LCOR: variants seen among roughly 807,000 people sequenced by gnomAD.
LCOR encodes the protein ligand-dependent corepressor.
Under a neutral mutation model 64.4 loss-of-function variants are expected in LCOR, and 14 were observed. The ratio of observed to expected loss-of-function variants is 0.22; its 90% CI spans 0.14 to 0.34. LCOR has a LOEUF of 0.34. Ranked by LOEUF, LCOR falls within the 10% of genes least tolerant of loss-of-function variation. The probability of loss-of-function intolerance (pLI) is 1.00; values close to 1 mark genes in which losing one functional copy is unlikely to be tolerated. For missense variants in LCOR, 1,686 were observed against 1,765.3 expected, an observed-to-expected ratio of 0.96 and a Z score of 0.80; for synonymous variants, 643 against 642.5, an observed-to-expected ratio of 1.00 and a Z score of -0.01.
intron 2 of LCOR, among the ~76,000 whole-genome samples, chr10:96,898,940 C>G (rs1462888563): frequency 6.6e-6 from 1 of 152,080 alleles, no homozygotes; most frequent in African/African-American, 2.4e-5. Context: ...AAAGAGAGAA[C>G]AGATTGGGAG....
intron 2 of LCOR, among the ~76,000 whole-genome samples, chr10:96,884,939 G>A (rs1404742454): frequency 6.6e-6 from 1 of 152,136 alleles, no homozygotes; most frequent in Admixed American, 6.6e-5. Context: ...TTTCAGCTTA[G>A]CTTGATGTGT....
In LCOR at chr10:96,994,746, A is replaced by G. The variant is rs1040949921; in HGVS notation, c.*9612A>G. 1 of 152,154 alleles carries G rather than the reference A, an allele frequency of 6.6e-6. No individual in the cohort carries two copies. The highest frequency in any genetic ancestry group is 6.5e-5 in the Admixed American group (1 of 15,282). The allele number at this position is 152,154 out of a possible 1,614,324, so 9.4% of individuals were successfully genotyped here. On this transcript the variant is annotated 3_prime_UTR_variant, in exon 8 of 8. Transcript: ENST00000421806. ...TAGAATTCTGGCCTGAGGCTCCCCA[A>G]GTCTTATTACCTTGTATGAAAAATC...
chr10:96,876,535 G>C (rs1392849287), intron 2 of LCOR, among the ~76,000 whole-genome samples: 1 of 152,000 alleles, frequency 6.6e-6, no homozygotes, highest in Non-Finnish European at 1.5e-5. Context: ...AAAGCAAATA[G>C]AGAAAAAAGA....
At chr10:96,839,661 T>C (rs1458548961) in intron 2 of LCOR, among the ~76,000 whole-genome samples, 1 of 152,124 alleles carries the variant, frequency 6.6e-6, no homozygotes, top group East Asian at 1.9e-4. Context: ...AACCCAGACA[T>C]CTGACAAGTT....
At chr10:96,834,676 T>G (rs767351391) in intron 2 of LCOR, among the ~76,000 whole-genome samples, 9 of 152,182 alleles carry the variant, frequency 5.9e-5, no homozygotes, top group Non-Finnish European at 1.2e-4. Flanking sequence ...TCAGCAGGGC[T>G]TTTTAGTCTT....
chr10:96,923,134 G>C (rs1420433709), intron 4 of LCOR, among the ~76,000 whole-genome samples: 1 of 152,186 alleles, frequency 6.6e-6, no homozygotes, highest in Admixed American at 6.5e-5. Context: ...GGCATTTAAA[G>C]TAATAAGATG....
intron 2 of LCOR, among the ~76,000 whole-genome samples, chr10:96,878,301 T>C (rs1020022695): frequency 6.6e-6 from 1 of 152,156 alleles, no homozygotes; most frequent in African/African-American, 2.4e-5. Flanking sequence ...GGAGCAGAAT[T>C]GACACATAGA....
At chr10:96,934,889 A>C (rs571369306) in intron 4 of LCOR, among the ~76,000 whole-genome samples, 1 of 152,334 alleles carries the variant, frequency 6.6e-6, no homozygotes, top group East Asian at 1.9e-4. Flanking sequence ...GGCGTGAGCC[A>C]CCGCACCTGG....
rs1313113640 is a variant in LCOR at position 96,984,288 on chromosome 10, C to T, written c.3828C>T (p.Val1276=). The part of the protein sequence containing the change: ...DQVEPEDGSD[V]SPGPNSEDSI... ...TGGAGCCAGAAGATGGCAGTGATGT[C>T]AGCCCCGGCCCTAATTCTGAAGACA... Residue 1276 remains valine, a synonymous_variant, in exon 8 of 8, where the codon GTC becomes GTT. Coordinates refer to ENST00000421806, the MANE Select transcript of LCOR (RefSeq NM_001346516.2). 5 of 1,614,140 alleles carry T rather than the reference C, an allele frequency of 3.1e-6. No individual in the cohort carries two copies. In the South Asian group the frequency reaches 4.4e-5, roughly 14 times the overall value.
intron 2 of LCOR, among the ~76,000 whole-genome samples, chr10:96,854,539 C>T (rs1227434300): frequency 1.3e-5 from 2 of 152,136 alleles, no homozygotes; most frequent in Admixed American, 1.3e-4. Flanking sequence ...GTTGGCCAGG[C>T]TGGTCTCGAG....
intron 7 of LCOR, chr10:96,954,887 T>TC: frequency 2.3e-6 from 3 of 1,279,666 alleles, no homozygotes; most frequent in Non-Finnish European, 3.3e-6. Flanking sequence ...AAAGGAGTGG[T>TC]CCCCTCACCC....
At chr10:96,892,177 A>G (rs979981782) in intron 2 of LCOR, among the ~76,000 whole-genome samples, 9 of 152,064 alleles carry the variant, frequency 5.9e-5, no homozygotes, top group Non-Finnish European at 8.8e-5. Context: ...ACCACCCATT[A>G]TTGAAAGTAG....
chr10:96,916,092 C>T (rs913821050), intron 4 of LCOR, among the ~76,000 whole-genome samples: 4 of 152,048 alleles, frequency 2.6e-5, no homozygotes, highest in Non-Finnish European at 5.9e-5. Context: ...AGTGCAGTGG[C>T]GCAATCTGGG....
intron 2 of LCOR, among the ~76,000 whole-genome samples, chr10:96,871,558 G>A (rs988846939): frequency 2.6e-5 from 4 of 151,322 alleles, no homozygotes; most frequent in Non-Finnish European, 4.4e-5. Context: ...GCCTACAGGC[G>A]TGAGCCACCA....
chr10:96,878,497 G>C (rs1357684181), intron 2 of LCOR, among the ~76,000 whole-genome samples: 2 of 152,152 alleles, frequency 1.3e-5, no homozygotes, highest in Non-Finnish European at 2.9e-5. Context: ...GAGATTAGGA[G>C]GACTCTAAAG....
At chr10:96,832,425 G>A in intron 1 of LCOR, 26 bp downstream of exon 1, 5 of 913,908 alleles carry the variant, frequency 5.5e-6, no homozygotes, top group South Asian at 4.9e-5. Context: ...GACCGCCGCC[G>A]CCCCTCCGGC....
Position 96,985,051 on chromosome 10 carries a change from A to G in LCOR, c.4591A>G (p.Ser1531Gly). 1 of 1,614,208 alleles carries G rather than the reference A, an allele frequency of 6.2e-7. No homozygotes were observed. Among genetic ancestry groups the G allele is most frequent in the South Asian group, 1.1e-5 (1 of 91,088 alleles). Residue 1531 changes from serine (S) to glycine (G), a missense_variant, in exon 8 of 8, where the codon AGC (serine) becomes GGC (glycine). Ser to Gly is a moderately conservative substitution (Grantham distance 56, BLOSUM62 0). Around this residue, in one of 3 missense-constraint regions of LCOR, gnomAD observed 1,293 missense variants for 1,410.4 expected, o/e 0.92. Transcript: ENST00000421806. ...RARPSTKTPE[S>G]SAAQRKRKLK... ...CAGACCCTCAACGAAAACCCCAGAGAGCAGTGCAGCTCAGAGAAAGCGAAA... is the reference window on the plus strand; with the variant it reads ...CAGACCCTCAACGAAAACCCCAGAGGGCAGTGCAGCTCAGAGAAAGCGAAA...
intron 4 of LCOR, among the ~76,000 whole-genome samples, chr10:96,908,424 G>A (rs760372885): frequency 1.3e-5 from 2 of 152,214 alleles, no homozygotes; most frequent in Non-Finnish European, 2.9e-5. Flanking sequence ...GAACAGTAAT[G>A]TAGATCTGGA....
At chr10:96,955,248 A>C in intron 7 of LCOR, 1 of 1,614,182 alleles carries the variant, frequency 6.2e-7, no homozygotes, top group Non-Finnish European at 8.5e-7. Context: ...TATGAAGTTC[A>C]GGGGAAATGG....
Sources: gnomAD v4.1 joint callset for allele counts (sites outside exome capture counted in the v4.1 genomes callset) on GRCh38, gnomAD v4.1.1 for gene constraint, gnomAD v4.1.1 regional missense constraint, MANE v1.5 for transcripts, NCBI Gene and HGNC (gene_info 2026-07-23, HGNC 2026-07-21) for gene names.